Variants in KANK1 observed in about 807,000 individuals in gnomAD.
KANK1 encodes the protein KN motif and ankyrin repeat domain-containing protein 1.
KANK1 carries 109 observed loss-of-function variants against 106.2 expected under a neutral mutation model. The ratio of observed to expected loss-of-function variants is 1.03; its 90% CI spans 0.88 to 1.20. The LOEUF is 1.20. Among genes scored for constraint, KANK1 ranks in the 50% most tolerant of loss-of-function variants. The pLI, the probability that KANK1 is intolerant of heterozygous loss-of-function variation, is 0.00. For synonymous variants in KANK1, 873 were observed against 652.2 expected (o/e 1.34, Z -5.16); for missense variants, 2,399 against 1,710.7 (o/e 1.40, Z -7.10).
chr9:693,441 T>A, intron 2 of KANK1: 1 of 985,446 alleles, frequency 1.0e-6, no homozygotes, highest in Non-Finnish European at 1.2e-6. Flanking sequence ...GGCTTACAGC[T>A]GCATTTCTAG....
chr9:742,996 A>G (rs1836084594), intron 10 of KANK1, among the ~76,000 whole-genome samples: 1 of 152,180 alleles, frequency 6.6e-6, no homozygotes, highest in African/African-American at 2.4e-5. Flanking sequence ...CAGGCTGTCC[A>G]CATTTCCAGA....
At chr9:605,373 C>T (rs75751187) in intron 1 of KANK1, among the ~76,000 whole-genome samples, 5,508 of 151,106 alleles carry the variant, frequency 0.036, 432 homozygotes, top group African/African-American at 0.13. Context: ...AAAGCATTTG[C>T]TTAGCCATAT....
chr9:710,755 C>G (rs747863002), intron 2 of KANK1, 49 bp from the exon 3 acceptor site: 2 of 1,495,578 alleles, frequency 1.3e-6, no homozygotes, highest in South Asian at 2.7e-5. Context: ...TAGTTTTTAC[C>G]ATTAGGTGTA....
At chr9:595,601 C>G (rs1260056253) in intron 1 of KANK1, among the ~76,000 whole-genome samples, 1 of 151,892 alleles carries the variant, frequency 6.6e-6, no homozygotes, top group Non-Finnish European at 1.5e-5. Flanking sequence ...TCATTGCTTA[C>G]TGAAGCCTCA....
intron 1 of KANK1, among the ~76,000 whole-genome samples, chr9:627,315 C>G (rs1834586012): frequency 6.6e-6 from 1 of 152,074 alleles, no homozygotes; most frequent in South Asian, 2.1e-4. Context: ...CCAGGGCTAC[C>G]CAGGTTGGAA....
At chr9:654,620 A>G (rs1406037354) in intron 1 of KANK1, among the ~76,000 whole-genome samples, 2 of 152,178 alleles carry the variant, frequency 1.3e-5, no homozygotes, top group African/African-American at 4.8e-5. Flanking sequence ...CTATGAGCCC[A>G]TGAGCACCTA....
At chr9:473,107 C>T (rs2058049660) in intron 2 of KANK1, 2 of 152,226 alleles carry the variant, frequency 1.3e-5, no homozygotes, top group African/African-American at 2.4e-5. Flanking sequence ...TGAGTGGTCA[C>T]CCACCATATT....
chr9:732,386 C>G lies in KANK1; in HGVS notation c.3014C>G (p.Thr1005Arg), dbSNP rs764627371. ...TCCCAATTGCCACCTAGGTATGAAA[C>G]AACTTCAAGTGATGATTCCAGCTCA... ...QFVGINGGYE[T>R]TSSDDSSSDE... Residue 1005 changes from threonine to arginine, a missense_variant, in exon 6 of 12, where the codon ACA becomes AGA. Transcript: ENST00000382297. The G allele has an allele frequency of 6.8e-6, 11 of 1,609,030 alleles. No homozygotes were observed. Among genetic ancestry groups the G allele is most frequent in the Non-Finnish European group, 2.6e-6 (3 of 1,175,774 alleles).
chr9:567,298 T>C lies in KANK1; in HGVS notation c.-84+62544T>C, dbSNP rs368429750. On this transcript the variant is annotated intron_variant, in intron 1 of 11. Transcript: ENST00000382297. Reference sequence around the variant, plus strand: ...GTGTAATGCCTCCAGCTTTGTTCTTTTTGCTTAGGATTGCCTTCTATGCCT... The same window carrying C: ...GTGTAATGCCTCCAGCTTTGTTCTTCTTGCTTAGGATTGCCTTCTATGCCT... Among the ~76,000 whole-genome samples the C allele has an allele frequency of 8.3e-4, 127 of 152,354 alleles. 1 individual carries two copies. Among genetic ancestry groups the C allele is most frequent in the African/African-American group, 2.9e-3 (122 of 41,578 alleles).
At chr9:623,661 A>C (rs1457283529) in intron 1 of KANK1, among the ~76,000 whole-genome samples, 2 of 152,140 alleles carry the variant, frequency 1.3e-5, no homozygotes, top group African/African-American at 2.4e-5. Context: ...ATCACTAATC[A>C]TTAGAGAAAT....
At chr9:639,967 G>A (rs1016100731) in intron 1 of KANK1, among the ~76,000 whole-genome samples, 1 of 152,128 alleles carries the variant, frequency 6.6e-6, no homozygotes, top group African/African-American at 2.4e-5. Context: ...TCACCTCCCA[G>A]AGGACCCATC....
intron 1 of KANK1, among the ~76,000 whole-genome samples, chr9:551,575 A>G (rs907543233): frequency 6.6e-6 from 1 of 152,180 alleles, no homozygotes; most frequent in Non-Finnish European, 1.5e-5. Context: ...GATGGCTGGG[A>G]CAATGGTGAG....
intron 1 of KANK1, among the ~76,000 whole-genome samples, chr9:593,280 A>G (rs1036402133): frequency 1.3e-5 from 2 of 151,896 alleles, no homozygotes; most frequent in Admixed American, 6.6e-5. Context: ...AATTAATGAC[A>G]AAAGTCAGAT....
chr9:611,741 CA>C (rs1830601635), intron 1 of KANK1, among the ~76,000 whole-genome samples: 1 of 151,942 alleles, frequency 6.6e-6, no homozygotes, highest in Non-Finnish European at 1.5e-5. Context: ...TTTTTGGAGA[CA>C]AAGTCTTTCT....
chr9:494,227 G>A (rs1364933785), intron 3 of KANK1, among the ~76,000 whole-genome samples: 1 of 152,130 alleles, frequency 6.6e-6, no homozygotes, highest in Admixed American at 6.5e-5. Context: ...GAATTTATTG[G>A]GCTCAAGCCC....
chr9:532,512 A>G (rs2060111788), intron 1 of KANK1, among the ~76,000 whole-genome samples: 2 of 151,452 alleles, frequency 1.3e-5, no homozygotes, highest in South Asian at 4.2e-4. Context: ...CTCTGCACCC[A>G]TTCAACCCTT....
chr9:711,375 A>G lies in KANK1; in HGVS notation c.609A>G (p.Gly203=). ...TSSLPSFVGS[G]NHNPAKHQLQ... Reference sequence around the variant, plus strand: ...CCCTCCCTTCTTTTGTGGGTTCTGGAAACCACAATCCTGCCAAGCACCAGC... The same window carrying G: ...CCCTCCCTTCTTTTGTGGGTTCTGGGAACCACAATCCTGCCAAGCACCAGC... Residue 203 remains glycine (G), a synonymous_variant, in exon 3 of 12, where the codon GGA becomes GGG. Transcript: ENST00000382297. The G allele has an allele frequency of 6.2e-7, 1 of 1,614,158 alleles. No individual in the cohort carries two copies. Among genetic ancestry groups the G allele is most frequent in the South Asian group, 1.1e-5 (1 of 91,080 alleles).
At chr9:575,613 G>A (rs1820342104) in intron 1 of KANK1, among the ~76,000 whole-genome samples, 1 of 152,062 alleles carries the variant, frequency 6.6e-6, no homozygotes, top group South Asian at 2.1e-4. Flanking sequence ...TGAGGCTGCA[G>A]TTAGCCATGA....
At chr9:550,875 A>G (rs1037422493) in intron 1 of KANK1, among the ~76,000 whole-genome samples, 22 of 151,778 alleles carry the variant, frequency 1.4e-4, no homozygotes, top group African/African-American at 5.1e-4. Context: ...TTTTTCCCAG[A>G]CTCCAGAATA....
Sources: gnomAD v4.1 joint callset for allele counts (sites outside exome capture counted in the v4.1 genomes callset) on GRCh38, gnomAD v4.1.1 for gene constraint, MANE v1.5 for transcripts, NCBI Gene and HGNC (gene_info 2026-07-23, HGNC 2026-07-21) for gene names.